Variants in DLGAP2 observed in about 807,000 individuals in gnomAD.
The protein encoded by DLGAP2 is disks large-associated protein 2.
In DLGAP2, 26 loss-of-function variants were observed where a neutral mutation model predicts 100.3. The ratio of observed to expected loss-of-function variants is 0.26; its 90% confidence interval spans 0.19 to 0.36. DLGAP2 has a LOEUF of 0.36. DLGAP2 is among the 10% of genes least tolerant of loss of function. The probability of loss-of-function intolerance (pLI) is 1.00; values close to 1 mark genes in which losing one functional copy is unlikely to be tolerated. For synonymous variants in DLGAP2, 886 were observed against 630.1 expected, an observed-to-expected ratio of 1.41 and a Z score of -6.08; for missense variants, 1,858 against 1,453.2, an observed-to-expected ratio of 1.28 and a Z score of -4.53.
intron 1 of DLGAP2, among the ~76,000 whole-genome samples, chr8:894,142 T>C (rs545605231): frequency 6.6e-6 from 1 of 152,294 alleles, no homozygotes; most frequent in Admixed American, 6.5e-5. Flanking sequence ...CTGCAATGTT[T>C]CTGCTGTTGG....
chr8:1,318,438 T>G (rs1433507798), intron 3 of DLGAP2, among the ~76,000 whole-genome samples: 2 of 150,706 alleles, frequency 1.3e-5, no homozygotes, highest in African/African-American at 2.4e-5. Flanking sequence ...TGACCTTCGT[T>G]TCTTCGTATC....
chr8:1,629,206 A>G (rs1410005003), intron 7 of DLGAP2, among the ~76,000 whole-genome samples: 1 of 152,194 alleles, frequency 6.6e-6, no homozygotes, highest in East Asian at 1.9e-4. Flanking sequence ...GACTTTTTCC[A>G]CTGAACTATT....
chr8:1,417,144 G>GA, intron 3 of DLGAP2, among the ~76,000 whole-genome samples: 1 of 150,302 alleles, frequency 6.7e-6, no homozygotes, highest in African/African-American at 2.4e-5. Context: ...TCTGAGGCGG[G>GA]GGAGACTCTG....
At chr8:832,752 C>A (rs1796805391) in intron 1 of DLGAP2, among the ~76,000 whole-genome samples, 1 of 152,184 alleles carries the variant, frequency 6.6e-6, no homozygotes, top group Non-Finnish European at 1.5e-5. Context: ...ATGTCAGCTG[C>A]AGTAGGCAGC....
At chr8:976,244 A>G (rs1341661458) in intron 2 of DLGAP2, among the ~76,000 whole-genome samples, 2 of 152,340 alleles carry the variant, frequency 1.3e-5, no homozygotes, top group African/African-American at 4.8e-5. Context: ...CTTATTAGAA[A>G]GGTACTGTAA....
At chr8:1,166,764 A>T (rs752200705) in intron 2 of DLGAP2, among the ~76,000 whole-genome samples, 3 of 152,210 alleles carry the variant, frequency 2.0e-5, no homozygotes, top group Non-Finnish European at 4.4e-5. Flanking sequence ...ATTATTTGTC[A>T]ATTAAAATAA....
At chr8:834,677 G>C (rs1796840214) in intron 1 of DLGAP2, among the ~76,000 whole-genome samples, 1 of 152,104 alleles carries the variant, frequency 6.6e-6, no homozygotes, top group Non-Finnish European at 1.5e-5. Flanking sequence ...CTTGTTGTTA[G>C]GGAGGAGGGG....
At chr8:872,332 TC>T (rs374242257) in intron 1 of DLGAP2, among the ~76,000 whole-genome samples, 33,205 of 136,746 alleles carry the variant, frequency 0.24, 4,945 homozygotes, top group Non-Finnish European at 0.3. Context: ...TCACTTCTTT[TC>T]TTTTTTTTTT....
At chr8:1,212,328 G>C (rs564737800) in intron 2 of DLGAP2, among the ~76,000 whole-genome samples, 1 of 152,210 alleles carries the variant, frequency 6.6e-6, no homozygotes, top group Non-Finnish European at 1.5e-5. Flanking sequence ...GGTTTGCTCC[G>C]TCTCCAGAGG....
chr8:1,254,825 C>T (rs988282763), intron 2 of DLGAP2, among the ~76,000 whole-genome samples: 5 of 141,808 alleles, frequency 3.5e-5, no homozygotes, highest in African/African-American at 8.0e-5. Flanking sequence ...CCACAAAGAC[C>T]GCTCCTGACT....
rs1304258576 is a variant in DLGAP2 at position 1,549,419 on chromosome 8, C to T, written c.966C>T (p.Pro322=). ...PSVLNRHHLG[P]VAHCYPDALQ... ...TGCTCAACCGGCACCACCTGGGCCC[C>T]GTGGCCCACTGCTACCCCGACGCGC... is the stretch of plus-strand genomic sequence containing the variant. The change falls in exon 5 of 15, where the codon CCC becomes CCT. Residue 322 remains proline (P), a synonymous_variant. Coordinates refer to ENST00000637795, the MANE Select transcript of DLGAP2 (RefSeq NM_001346810.2). The T allele has an allele frequency of 8.7e-6, 14 of 1,613,302 alleles. No homozygotes were observed. The highest frequency in any genetic ancestry group is 1.1e-5 in the Non-Finnish European group (13 of 1,179,778).
At chr8:862,590 G>T (rs1462281983) in intron 1 of DLGAP2, among the ~76,000 whole-genome samples, 4 of 152,156 alleles carry the variant, frequency 2.6e-5, no homozygotes, top group Admixed American at 6.5e-5. Context: ...GCCTCGCCTG[G>T]CCAGACTCCA....
At chr8:1,435,551 C>T (rs1797594283) in intron 3 of DLGAP2, among the ~76,000 whole-genome samples, 1 of 152,138 alleles carries the variant, frequency 6.6e-6, no homozygotes, top group South Asian at 2.1e-4. Flanking sequence ...CGCAGTGCAT[C>T]TTGTGATGGT....
chr8:738,629 G>A (rs989509447), intron 1 of DLGAP2: 2 of 152,486 alleles, frequency 1.3e-5, no homozygotes, highest in East Asian at 3.9e-4. Context: ...TGCGCGGAGG[G>A]CTGGGGGGCG....
chr8:794,426 C>T (rs1795983382), intron 1 of DLGAP2, among the ~76,000 whole-genome samples: 1 of 152,242 alleles, frequency 6.6e-6, no homozygotes, highest in Non-Finnish European at 1.5e-5. Context: ...TATTTATTAA[C>T]AGCAAACCAG....
chr8:1,209,999 C>T (rs534813008), intron 2 of DLGAP2, among the ~76,000 whole-genome samples: 4 of 152,332 alleles, frequency 2.6e-5, no homozygotes, highest in African/African-American at 7.2e-5. Flanking sequence ...TCATAATCTC[C>T]AGGATTCAGT....
intron 3 of DLGAP2, among the ~76,000 whole-genome samples, chr8:1,269,394 G>C (rs555511729): frequency 1.3e-4 from 20 of 152,352 alleles, no homozygotes; most frequent in African/African-American, 4.8e-4. Context: ...GCTTCACACA[G>C]CAGTTGCGGT....
At chr8:1,299,572 G>T (rs912850931) in intron 3 of DLGAP2, among the ~76,000 whole-genome samples, 1 of 152,158 alleles carries the variant, frequency 6.6e-6, no homozygotes, top group Non-Finnish European at 1.5e-5. Flanking sequence ...CGCACCTTTG[G>T]CTCAGTAACT....
At chr8:1,634,140 C>G (rs1336950326) in intron 8 of DLGAP2, among the ~76,000 whole-genome samples, 2 of 152,214 alleles carry the variant, frequency 1.3e-5, no homozygotes, top group Admixed American at 6.5e-5. Context: ...GTCCTCGCTG[C>G]AAGAACTTAG....
Sources: allele counts gnomAD v4.1 joint callset (sites outside exome capture counted in the v4.1 genomes callset), GRCh38; gene constraint gnomAD v4.1.1; transcripts MANE v1.5; gene names NCBI Gene and HGNC (gene_info 2026-07-23, HGNC 2026-07-21).